SLC36A1: variants seen among roughly 807,000 people sequenced by gnomAD.
SLC36A1 encodes the protein solute carrier family 36 member 1, also known as proton-coupled amino acid transporter 1.
In SLC36A1, 30 loss-of-function variants were observed where a neutral mutation model predicts 47.5. The observed-to-expected ratio is 0.63, with a 90% confidence interval of 0.47 to 0.86. The LOEUF (loss-of-function observed/expected upper bound fraction) is 0.86. Ranked by LOEUF, SLC36A1 falls within the 40% of genes least tolerant of loss-of-function variation. The pLI is 0.00. For synonymous variants in SLC36A1, 255 were observed against 249.7 expected (o/e 1.02, Z -0.20); for missense variants, 517 against 606.0 (o/e 0.85, Z 1.54).
intron 1 of SLC36A1, among the ~76,000 whole-genome samples, chr5:151,458,356 T>TATATATATATATAAACAC (rs796511045): frequency 7.7e-6 from 1 of 129,742 alleles, no homozygotes; most frequent in African/African-American, 3.5e-5. Flanking sequence ...TATATATATA[T>TATATATATATATAAACAC]ACACACACGA....
At chr5:151,467,581 G>A in intron 6 of SLC36A1, 126 bp from the exon 7 acceptor site, 1 of 774,060 alleles carries the variant, frequency 1.3e-6, no homozygotes. Context: ...TGGCTCACTG[G>A]CCACAGATTC....
the SLC36A1 span, among the ~76,000 whole-genome samples, chr5:151,533,990 C>G: frequency 6.6e-6 from 1 of 152,098 alleles, no homozygotes; most frequent in Non-Finnish European, 1.5e-5. Flanking sequence ...CTTCACTCTT[C>G]AGAAAATTGA....
At chr5:151,464,214 C>G (rs150833576) in intron 3 of SLC36A1, among the ~76,000 whole-genome samples, 261 of 152,312 alleles carry the variant, frequency 1.7e-3, no homozygotes, top group African/African-American at 5.9e-3. Flanking sequence ...CCCAGCTCTT[C>G]CCACAGTCAC....
chr5:151,376,014 G>A, the SLC36A1 span, among the ~76,000 whole-genome samples: 13 of 152,236 alleles, frequency 8.5e-5, no homozygotes, highest in East Asian at 1.3e-3. Flanking sequence ...GCTCTGGCAA[G>A]GACTTCCAGT....
At chr5:151,521,734 C>A in the SLC36A1 span, 1 of 1,614,034 alleles carries the variant, frequency 6.2e-7, no homozygotes, top group Non-Finnish European at 8.5e-7. Context: ...CCCCACATGC[C>A]ACACGTACAC....
chr5:151,540,416 C>T, the SLC36A1 span: 1 of 557,544 alleles, frequency 1.8e-6, no homozygotes, highest in Non-Finnish European at 3.2e-6. Context: ...TCTCTGTTCT[C>T]CTGCCCCTCA....
the SLC36A1 span, among the ~76,000 whole-genome samples, chr5:151,386,849 T>A: frequency 1.3e-5 from 2 of 152,192 alleles, no homozygotes; most frequent in African/African-American, 4.8e-5. Context: ...AATCCATTTG[T>A]TTTAATTTAA....
the SLC36A1 span, among the ~76,000 whole-genome samples, chr5:151,428,701 C>T: frequency 3.9e-5 from 6 of 152,092 alleles, no homozygotes; most frequent in African/African-American, 1.2e-4. Context: ...GGCATGATCT[C>T]GGCTCACTGC....
chr5:151,373,018 C>T, the SLC36A1 span, among the ~76,000 whole-genome samples: 1 of 151,826 alleles, frequency 6.6e-6, no homozygotes, highest in Admixed American at 6.6e-5. Context: ...TCAAGACCAG[C>T]CTGGGCGACA....
chr5:151,501,415 A>T, the SLC36A1 span, among the ~76,000 whole-genome samples: 1 of 149,218 alleles, frequency 6.7e-6, no homozygotes, highest in Non-Finnish European at 1.5e-5. Flanking sequence ...TGCCTGGTGA[A>T]GTCACATTTA....
chr5:151,531,808 G>C, the SLC36A1 span: 1 of 1,613,540 alleles, frequency 6.2e-7, no homozygotes, highest in Non-Finnish European at 8.5e-7. This position sits in a 1 kb window ranked among gnomAD's most constrained non-coding sequence, Gnocchi z 5.7. Flanking sequence ...CGTGGACAGC[G>C]GTATTGGGGT....
At position 151,467,789 on chromosome 5, in the gene SLC36A1, T is replaced by C. The variant is rs2127496542; in HGVS notation, c.587T>C (p.Leu196Pro). 6.2e-7 allele frequency: 1 copy of C among 1,614,078 alleles called. No homozygotes were observed. The highest frequency in any genetic ancestry group is 2.2e-5 in the East Asian group (1 of 44,854). The change falls in exon 7 of 11, where the codon CTC (leucine) becomes CCC (proline). Residue 196 changes from leucine (L) to proline (P), a missense_variant. Coordinates refer to ENST00000243389, the MANE Select transcript of SLC36A1 (RefSeq NM_078483.4). ...CTGACGCCTACCATGGACTCGCGAC[T>C]CTACATGCTCTCCTTCCTGCCCTTC... ...VILTPTMDSR[L>P]YMLSFLPFLV...
the SLC36A1 span, among the ~76,000 whole-genome samples, chr5:151,524,184 C>T: frequency 6.6e-6 from 1 of 152,140 alleles, no homozygotes; most frequent in Non-Finnish European, 1.5e-5. Context: ...AACCACCTCT[C>T]ATTGTACTTA....
chr5:151,389,916 A>G, the SLC36A1 span, among the ~76,000 whole-genome samples: 1 of 151,698 alleles, frequency 6.6e-6, no homozygotes, highest in East Asian at 1.9e-4. Flanking sequence ...TCCTTTGGGT[A>G]TTATACCCAG....
chr5:151,549,153 C>T, the SLC36A1 span: 2 of 711,968 alleles, frequency 2.8e-6, no homozygotes, highest in South Asian at 1.9e-5. Context: ...TTAGGTAGTC[C>T]CAGGGAATGC....
chr5:151,457,812 T>C (rs1754789066), intron 1 of SLC36A1, among the ~76,000 whole-genome samples: 2 of 151,832 alleles, frequency 1.3e-5, no homozygotes, highest in South Asian at 2.1e-4. Flanking sequence ...AATTGGATGA[T>C]CCAGAGGGGA....
chr5:151,542,348 T>TC, the SLC36A1 span: 1 of 1,613,740 alleles, frequency 6.2e-7, no homozygotes, highest in Non-Finnish European at 8.5e-7. Context: ...GTCTTTAGAG[T>TC]CGCCACCAGT....
chr5:151,527,091 C>T, the SLC36A1 span: 3 of 791,600 alleles, frequency 3.8e-6, no homozygotes, highest in African/African-American at 3.4e-5. Flanking sequence ...TAATGCCCTC[C>T]AGCAGTCTGT....
the SLC36A1 span, among the ~76,000 whole-genome samples, chr5:151,350,597 C>A: frequency 6.6e-6 from 1 of 152,078 alleles, no homozygotes; most frequent in African/African-American, 2.4e-5. Flanking sequence ...GGCAAATTCT[C>A]ATTTCTCTCC....
Sources: gnomAD v4.1 joint callset for allele counts (sites outside exome capture counted in the v4.1 genomes callset) on GRCh38, gnomAD v4.1.1 for gene constraint, Gnocchi (gnomAD v3.1) non-coding constraint, MANE v1.5 for transcripts, NCBI Gene and HGNC (gene_info 2026-07-23, HGNC 2026-07-21) for gene names.